KLHL18: variants seen among roughly 807,000 people sequenced by gnomAD.
The protein encoded by KLHL18 is kelch-like protein 18.
KLHL18 carries 38 observed loss-of-function variants against 58.5 expected under a neutral mutation model. The ratio of observed to expected loss-of-function variants is 0.65; its 90% CI spans 0.50 to 0.85. The LOEUF (loss-of-function observed/expected upper bound fraction) is 0.85, where lower values mean the gene tolerates loss of function less well. Among genes scored for constraint, KLHL18 ranks in the 40% least tolerant of loss-of-function variants. The pLI, the probability that KLHL18 is intolerant of heterozygous loss-of-function variation, is 0.00. For missense variants in KLHL18, 624 were observed against 778.4 expected, an observed-to-expected ratio of 0.80 and a Z score of 2.36; for synonymous variants, 303 against 301.9, an observed-to-expected ratio of 1.00 and a Z score of -0.04.
chr3:47,292,691 A>G (rs545977378), intron 1 of KLHL18, among the ~76,000 whole-genome samples: 15 of 151,988 alleles, frequency 9.9e-5, no homozygotes, highest in Non-Finnish European at 1.8e-4. Context: ...AGATGGCATG[A>G]ACCCAGGAGT....
chr3:47,302,851 A>G (rs987722226), intron 1 of KLHL18, among the ~76,000 whole-genome samples: 4 of 152,232 alleles, frequency 2.6e-5, no homozygotes, highest in Non-Finnish European at 5.9e-5. Flanking sequence ...GAAACCATGA[A>G]TAATTGAAAC....
chr3:47,324,298 C>CTTTTTTTTTTT (rs769288621), intron 3 of KLHL18, among the ~76,000 whole-genome samples: 1,623 of 37,426 alleles, frequency 0.043, 667 homozygotes, highest in East Asian at 0.15. Flanking sequence ...TTCTTTCTTT[C>CTTTTTTTTTTT]TTTTTTTTTT....
intron 1 of KLHL18, among the ~76,000 whole-genome samples, chr3:47,302,678 A>G (rs1182720945): frequency 6.6e-6 from 1 of 152,188 alleles, no homozygotes; most frequent in African/African-American, 2.4e-5. Flanking sequence ...GTGGACCTAC[A>G]CAGTTCAAGC....
chr3:47,336,609 G>T lies in KLHL18; in HGVS notation c.973G>T (p.Ala325Ser). The change falls in exon 7 of 10, where the codon GCC becomes TCC. Residue 325 changes from alanine to serine, a missense_variant. Transcript: ENST00000232766. ...CWERCRPMTT[A>S]RSRVGVAVVN... ...GGAGAGATGCCGTCCCATGACAACA[G>T]CCCGCAGCCGCGTTGGCGTGGCTGT... 1 of 1,614,246 alleles carries T rather than the reference G, an allele frequency of 6.2e-7. No homozygotes were observed. The highest frequency in any genetic ancestry group is 1.1e-5 in the South Asian group (1 of 91,086).
At chr3:47,312,307 T>C (rs1184396027) in intron 1 of KLHL18, among the ~76,000 whole-genome samples, 3 of 152,238 alleles carry the variant, frequency 2.0e-5, no homozygotes, top group African/African-American at 7.2e-5. Flanking sequence ...TCTTGGACTT[T>C]GAACCTAACT....
At chr3:47,283,715 G>T (rs1167823920) in intron 1 of KLHL18, among the ~76,000 whole-genome samples, 2 of 152,200 alleles carry the variant, frequency 1.3e-5, no homozygotes, top group Non-Finnish European at 2.9e-5. Context: ...GATGCTGACT[G>T]ATATTAAGAG....
In KLHL18 at chr3:47,324,917, C is replaced by T. The variant is rs181895354; in HGVS notation, c.401+2209C>T. On this transcript the variant is annotated intron_variant, in intron 3 of 9. Transcript: ENST00000232766. ...GTAGCATTTTAGGAATAAGTACTTA[C>T]GCATAAACCTGATGTTTTGAGCCTA... 4.3e-4 allele frequency among the ~76,000 whole-genome samples: 65 copies of T among 152,312 alleles called. 1 individual carries two copies. Among genetic ancestry groups the T allele is most frequent in the Admixed American group, 1.6e-3 (25 of 15,304 alleles).
At chr3:47,322,431 G>A in intron 2 of KLHL18, 137 bp from the exon 3 acceptor site, 1 of 683,252 alleles carries the variant, frequency 1.5e-6, no homozygotes. Context: ...GTTTTAGGCT[G>A]TGGTGAAGTA....
intron 1 of KLHL18, among the ~76,000 whole-genome samples, chr3:47,291,306 A>G (rs1269445586): frequency 6.6e-6 from 1 of 152,212 alleles, no homozygotes; most frequent in Non-Finnish European, 1.5e-5. Flanking sequence ...TGGCACTGTC[A>G]TTGCCTCTTT....
chr3:47,320,883 A>T (rs1477745091), intron 2 of KLHL18, among the ~76,000 whole-genome samples: 1 of 152,222 alleles, frequency 6.6e-6, no homozygotes, highest in East Asian at 1.9e-4. Context: ...ACTACACTCC[A>T]GCCTGGGCAA....
chr3:47,306,036 T>A (rs1242124590), intron 1 of KLHL18, among the ~76,000 whole-genome samples: 1 of 152,056 alleles, frequency 6.6e-6, no homozygotes, highest in Non-Finnish European at 1.5e-5. Flanking sequence ...TAGTTTACTG[T>A]TTTCCTGTTT....
In KLHL18 at chr3:47,345,905, T is replaced by C. The variant is rs1475205004; in HGVS notation, c.*1964T>C. On this transcript the variant is annotated 3_prime_UTR_variant, in exon 10 of 10. Transcript: ENST00000232766. ...CTGCTACAAGCACTTGAAAATGATATTTTTATTTTTAACGTCTCAACAATC... is the reference window on the plus strand; with the variant it reads ...CTGCTACAAGCACTTGAAAATGATACTTTTATTTTTAACGTCTCAACAATC... 2 of 152,586 alleles carry C rather than the reference T, an allele frequency of 1.3e-5. No homozygotes were observed. The highest frequency in any genetic ancestry group is 2.4e-5 in the African/African-American group (1 of 41,430). The allele number at this position is 152,586 out of a possible 1,614,324, so 9.5% of individuals were successfully genotyped here. A position where few individuals can be genotyped will look rare whatever the true frequency, so the allele number is the denominator to read the frequency against.
chr3:47,331,542 C>T (rs1158680022), intron 4 of KLHL18, among the ~76,000 whole-genome samples: 1 of 150,288 alleles, frequency 6.7e-6, no homozygotes, highest in Non-Finnish European at 1.5e-5. Context: ...AAGCATTTCT[C>T]CTGCCTCAGC....
chr3:47,338,298 C>T (rs1371973706), intron 7 of KLHL18: 2 of 152,142 alleles, frequency 1.3e-5, no homozygotes, highest in African/African-American at 4.8e-5. Flanking sequence ...TTTTGGGGCA[C>T]CTCTTAATTC....
intron 1 of KLHL18, 69 bp from the exon 2 acceptor site, chr3:47,319,584 G>T: frequency 7.1e-7 from 1 of 1,413,326 alleles, no homozygotes; most frequent in Non-Finnish European, 9.7e-7. Context: ...GGCAGGGTGG[G>T]TTTTTTTGTT....
intron 1 of KLHL18, among the ~76,000 whole-genome samples, chr3:47,315,482 ACCATCCACCTCTTAGAC>A (rs1231729846): frequency 6.6e-6 from 1 of 152,202 alleles, no homozygotes; most frequent in East Asian, 1.9e-4. Context: ...GCATGGTAGA[ACCATCCACCTCTTAGAC>A]CCAGTTTCCA....
intron 1 of KLHL18, among the ~76,000 whole-genome samples, chr3:47,318,841 A>G (rs142824563): frequency 6.6e-6 from 1 of 152,314 alleles, no homozygotes; most frequent in East Asian, 1.9e-4. Flanking sequence ...TCCAACCTCA[A>G]TCCTTGGATA....
rs2107663154 is a variant in KLHL18 at position 47,340,149 on chromosome 3, C to T, written c.1122-423C>T. ...ACTTTGGCTTGCTTACCACTCTAAA[C>T]CCCAGCTGTTACAGATCTGATGGAT... On this transcript the variant is annotated intron_variant, in intron 7 of 9. Coordinates refer to ENST00000232766, the MANE Select transcript of KLHL18 (RefSeq NM_025010.5). Among the ~76,000 whole-genome samples the T allele has an allele frequency of 2.6e-5, 4 of 152,264 alleles. No homozygotes were observed. In the South Asian group the frequency reaches 8.3e-4, roughly 32 times the overall value.
chr3:47,303,937 C>T (rs1266976229), intron 1 of KLHL18, among the ~76,000 whole-genome samples: 1 of 151,494 alleles, frequency 6.6e-6, no homozygotes, highest in Non-Finnish European at 1.5e-5. Context: ...CTATGTTGCT[C>T]GGGCTGGTCT....
Sources: allele counts gnomAD v4.1 joint callset (sites outside exome capture counted in the v4.1 genomes callset), GRCh38; gene constraint gnomAD v4.1.1; transcripts MANE v1.5; gene names NCBI Gene and HGNC (gene_info 2026-07-23, HGNC 2026-07-21).